The following UPK3A variants were observed in gnomAD, a reference collection of about 807,000 sequenced individuals.
UPK3A encodes the protein uroplakin 3A.
UPK3A carries 32 observed loss-of-function variants against 27.6 expected under a neutral mutation model. The ratio of observed to expected loss-of-function variants is 1.16; its 90% CI spans 0.87 to 1.55. UPK3A has a LOEUF of 1.55. Among genes scored for constraint, UPK3A ranks in the 40% most tolerant of loss-of-function variants. UPK3A has a pLI of 0.00. For missense variants in UPK3A, 370 were observed against 367.9 expected (o/e 1.01, Z -0.05); for synonymous variants, 171 against 163.9 (o/e 1.04, Z -0.33).
Position 45,295,785 on chromosome 22 carries a change from G to T in UPK3A, c.*66G>T, listed in dbSNP as rs2084191503. On this transcript the variant is annotated 3_prime_UTR_variant, in exon 6 of 6. Coordinates refer to ENST00000216211, the MANE Select transcript of UPK3A (RefSeq NM_006953.4). The stretch of plus-strand genomic sequence containing the variant: ...CCTTGCCCCAGGCCCTGCAGCGGTG[G>T]TTGTCACACCCTGACTTCAGGGAAG... 6.3e-7 allele frequency: 1 copy of T among 1,594,086 alleles called. No individual in the cohort carries two copies. Among genetic ancestry groups the T allele is most frequent in the Admixed American group, 1.7e-5 (1 of 59,512 alleles).
At position 45,285,924 on chromosome 22, in the gene UPK3A, C is replaced by T. The variant is rs754771660; in HGVS notation, c.53-17C>T. On this transcript the variant is annotated splice_polypyrimidine_tract_variant and intron_variant, in intron 1 of 5. Transcript: ENST00000216211. ...GTTCTGCCGGAGGTCAGTTCCCATC[C>T]TCACTGCCTCCTCCAGCTGTGAACC... 2 of 1,613,590 alleles carry T rather than the reference C, an allele frequency of 1.2e-6. No individual in the cohort carries two copies. Among genetic ancestry groups the T allele is most frequent in the South Asian group, 1.1e-5 (1 of 91,052 alleles).
chr22:45,295,200 G>A (rs1028111001), intron 5 of UPK3A, among the ~76,000 whole-genome samples: 5 of 151,928 alleles, frequency 3.3e-5, no homozygotes, highest in Admixed American at 6.6e-5. Context: ...GTGAGCTGCC[G>A]CCTCCTCCAG....
At chr22:45,295,074 G>T (rs2084186131) in intron 5 of UPK3A, among the ~76,000 whole-genome samples, 1 of 151,916 alleles carries the variant, frequency 6.6e-6, no homozygotes. Context: ...CACCATGTTG[G>T]CCAGGCTGGT....
At chr22:45,295,077 AG>A (rs1335193291) in intron 5 of UPK3A, among the ~76,000 whole-genome samples, 2 of 152,088 alleles carry the variant, frequency 1.3e-5, no homozygotes, top group African/African-American at 4.8e-5. Context: ...CATGTTGGCC[AG>A]GCTGGTCTCG....
At chr22:45,294,074 GGGGTGCTGCCTGGAGCATCA>G (rs2084179757) in intron 5 of UPK3A, among the ~76,000 whole-genome samples, 1 of 152,168 alleles carries the variant, frequency 6.6e-6, no homozygotes, top group Non-Finnish European at 1.5e-5. Flanking sequence ...GAGGGCCGGG[GGGGTGCTGCCTGGAGCATCA>G]GGGTGGCCTT....
intron 3 of UPK3A, among the ~76,000 whole-genome samples, 196 bp from the exon 4 acceptor site, chr22:45,288,864 TG>T (rs555909662): frequency 9.9e-5 from 15 of 151,624 alleles, no homozygotes; most frequent in Middle Eastern, 3.4e-3. Context: ...GGAGGGGTCC[TG>T]GGGGGGGTCC....
intron 4 of UPK3A, among the ~76,000 whole-genome samples, chr22:45,290,505 G>A (rs1425644224): frequency 6.6e-6 from 1 of 152,118 alleles, no homozygotes; most frequent in Admixed American, 6.6e-5. Context: ...TGTGGCGTGT[G>A]GTAACTGTAT....
In UPK3A at chr22:45,287,355, C is replaced by A. The variant is rs761498945; in HGVS notation, c.392C>A (p.Ala131Asp). The change falls in exon 3 of 6, where the codon GCC becomes GAC. Residue 131 changes from alanine to aspartate, a missense_variant. Ala to Asp is a moderately radical substitution (Grantham distance 126). Transcript: ENST00000216211. ...TCCAAGGCCTCACAGATCCTGAATG[C>A]CTACCTGGTCAGGGTGGGTGCCAAC... is the stretch of plus-strand genomic sequence containing the variant. ...DVSKASQILN[A>D]YLVRVGANGT... 6.2e-7 allele frequency: 1 copy of A among 1,614,132 alleles called. No individual in the cohort carries two copies.
intron 2 of UPK3A, 72 bp downstream of exon 2, chr22:45,286,168 C>A (rs1406907793): frequency 1.3e-6 from 2 of 1,586,868 alleles, no homozygotes; most frequent in Non-Finnish European, 1.7e-6. Context: ...GGGAAGGAGG[C>A]AGATAGAGGA....
intron 4 of UPK3A, among the ~76,000 whole-genome samples, chr22:45,289,481 G>C (rs888429744): frequency 4.6e-5 from 7 of 151,886 alleles, no homozygotes; most frequent in African/African-American, 1.5e-4. Context: ...GGGAGGCTAA[G>C]GCGGGAGAAT....
In UPK3A at chr22:45,295,704, C is replaced by T; in HGVS notation, c.849C>T (p.Ser283=). ...TGGACAGGGCTGAGGTGTATTCCAGCAAGCTCCAAGACTGAGCCCAGCACC... is the reference window on the plus strand; with the variant it reads ...TGGACAGGGCTGAGGTGTATTCCAGTAAGCTCCAAGACTGAGCCCAGCACC... ...PPLDRAEVYS[S]KLQD The change falls in exon 6 of 6, where the codon AGC becomes AGT. Residue 283 remains serine, a synonymous_variant. Coordinates refer to ENST00000216211, the MANE Select transcript of UPK3A (RefSeq NM_006953.4). The T allele has an allele frequency of 6.2e-7, 1 of 1,613,990 alleles. No individual in the cohort carries two copies. Among genetic ancestry groups the T allele is most frequent in the Non-Finnish European group, 8.5e-7 (1 of 1,180,028 alleles).
intron 3 of UPK3A, 60 bp downstream of exon 3, chr22:45,287,511 G>C: frequency 6.5e-7 from 1 of 1,545,890 alleles, no homozygotes; most frequent in Non-Finnish European, 8.7e-7. Context: ...TGATGAGGGA[G>C]AGCAGGGGCA....
intron 2 of UPK3A, among the ~76,000 whole-genome samples, chr22:45,286,416 C>T (rs541998846): frequency 6.6e-6 from 1 of 152,146 alleles, no homozygotes; most frequent in Non-Finnish European, 1.5e-5. Context: ...GGAATAACCC[C>T]CCCTGGACCT....
intron 5 of UPK3A, 58 bp downstream of exon 5, chr22:45,293,371 T>C: frequency 6.2e-7 from 1 of 1,606,500 alleles, no homozygotes; most frequent in Non-Finnish European, 8.5e-7. Context: ...CACATTTGGC[T>C]CACAGGGACT....
In UPK3A at chr22:45,287,376, C is replaced by T. The variant is rs373161690; in HGVS notation, c.413C>T (p.Ala138Val). The T allele has an allele frequency of 6.8e-6, 11 of 1,613,324 alleles. No homozygotes were observed. The highest frequency in any genetic ancestry group is 2.7e-5 in the African/African-American group (2 of 74,920). The change falls in exon 3 of 6, where the codon GCC becomes GTC. Residue 138 changes from alanine (A) to valine (V), a missense_variant. Transcript: ENST00000216211. ...ILNAYLVRVG[A>V]NGTCLWDPNF... ...AATGCCTACCTGGTCAGGGTGGGTG[C>T]CAACGGGACCTGCCTGTGGGATCCC... is the stretch of plus-strand genomic sequence containing the variant.
At chr22:45,290,992 A>G (rs1250717914) in intron 4 of UPK3A, among the ~76,000 whole-genome samples, 2 of 152,148 alleles carry the variant, frequency 1.3e-5, no homozygotes, top group East Asian at 3.8e-4. Context: ...CTACATGATG[A>G]TGAGTTGTAC....
At position 45,287,093 on chromosome 22, in the gene UPK3A, C is replaced by T. The variant is rs1236867134; in HGVS notation, c.209-79C>T. On this transcript the variant is annotated intron_variant, in intron 2 of 5. Coordinates refer to ENST00000216211, the MANE Select transcript of UPK3A (RefSeq NM_006953.4). ...ACAGAGCTGGGGCAGAAAGGATGATCAGGCATTTGATGAATAACTGAGTGA... is the reference window on the plus strand; with the variant it reads ...ACAGAGCTGGGGCAGAAAGGATGATTAGGCATTTGATGAATAACTGAGTGA... The T allele has an allele frequency of 4.4e-6, 7 of 1,598,470 alleles. No homozygotes were observed. The Admixed American group carries it at 5.0e-5, about 11-fold the overall frequency.
At chr22:45,285,507 G>C (rs114308724) in intron 1 of UPK3A, among the ~76,000 whole-genome samples, 1,569 of 152,282 alleles carry the variant, frequency 0.01, 39 homozygotes, top group African/African-American at 0.037. Flanking sequence ...ACCGAACAAA[G>C]CAAAGCCCAG....
rs781151893 is a variant in UPK3A at position 45,286,045 on chromosome 22, G to T, written c.157G>T (p.Glu53Ter). 4 of 1,614,182 alleles carry T rather than the reference G, an allele frequency of 2.5e-6. No homozygotes were observed. The South Asian group carries it at 4.4e-5, about 18-fold the overall frequency. Reference sequence around the variant, plus strand: ...GCCTCTCTGCATGTTTGACAGCAAAGAGGCCCTCACTGGCACCCACGAGGT... The same window carrying T: ...GCCTCTCTGCATGTTTGACAGCAAATAGGCCCTCACTGGCACCCACGAGGT... ...EKPLCMFDSK[E>*]ALTGTHEVYL... Residue 53 changes from glutamate (E) to a stop codon, truncating the protein, a stop_gained, in exon 2 of 6, where the codon GAG becomes TAG. Transcript: ENST00000216211. LOFTEE classifies it high-confidence loss of function.
Sources: gnomAD v4.1 joint callset for allele counts (sites outside exome capture counted in the v4.1 genomes callset) on GRCh38, gnomAD v4.1.1 for gene constraint, MANE v1.5 for transcripts, NCBI Gene and HGNC (gene_info 2026-07-23, HGNC 2026-07-21) for gene names.